The following ADGRL3 variants were observed in gnomAD, a reference collection of about 807,000 sequenced individuals.
ADGRL3 encodes the protein calcium-independent alpha-latrotoxin receptor 3.
ADGRL3 carries 62 observed loss-of-function variants against 153.5 expected under a neutral mutation model. The observed-to-expected ratio is 0.40, with a 90% CI of 0.33 to 0.50. ADGRL3 has a LOEUF of 0.50. Ranked by LOEUF, ADGRL3 falls within the 20% of genes least tolerant of loss-of-function variation. The pLI, the probability that ADGRL3 is intolerant of heterozygous loss-of-function variation, is 0.47. For synonymous variants in ADGRL3, 710 were observed against 672.5 expected (o/e 1.06, Z -0.86); for missense variants, 1,641 against 1,859.4 (o/e 0.88, Z 2.16).
intron 2 of ADGRL3, among the ~76,000 whole-genome samples, chr4:61,473,934 C>T (rs1035061556): frequency 1.3e-5 from 2 of 151,744 alleles, no homozygotes; most frequent in Non-Finnish European, 1.5e-5. Context: ...TGGATATACA[C>T]CTGTGGACAA....
chr4:61,457,560 A>G (rs1578974319), intron 2 of ADGRL3, among the ~76,000 whole-genome samples: 4 of 152,020 alleles, frequency 2.6e-5, no homozygotes, highest in Middle Eastern at 3.4e-3. Flanking sequence ...TAAATAATGA[A>G]AATTTAATCA....
chr4:61,290,330 ATAAAT>A (rs995773063), intron 1 of ADGRL3, among the ~76,000 whole-genome samples: 1 of 152,134 alleles, frequency 6.6e-6, no homozygotes, highest in African/African-American at 2.4e-5. Context: ...AGGTTGATTA[ATAAAT>A]TAAAATACTT....
chr4:62,050,213 G>A (rs1461894440), intron 25 of ADGRL3, among the ~76,000 whole-genome samples: 12 of 151,998 alleles, frequency 7.9e-5, no homozygotes, highest in Non-Finnish European at 5.9e-5. Flanking sequence ...GAAATTAAAT[G>A]CACATTGCAT....
In ADGRL3 at chr4:62,073,748, CAGA is replaced by C. The variant is rs1435607401; in HGVS notation, c.*2845_*2847del. 3.9e-5 allele frequency: 6 copies of C among 152,132 alleles called. No individual in the cohort carries two copies. The highest frequency in any genetic ancestry group is 3.9e-4 in the Admixed American group (6 of 15,270). The allele number at this position is 152,132 out of a possible 1,614,324, so 9.4% of individuals were successfully genotyped here. A position where few individuals can be genotyped will look rare whatever the true frequency, so the allele number is the denominator to read the frequency against. On this transcript the variant is annotated 3_prime_UTR_variant, in exon 27 of 27. Coordinates refer to ENST00000683033, the MANE Select transcript of ADGRL3 (RefSeq NM_001387552.1). ...GATCACTTGAATACACAAACTGGTGCAGAAGAACATTCAGCATATAAAGTTACT... is the reference window on the plus strand; with the variant it reads ...GATCACTTGAATACACAAACTGGTGCAGAACATTCAGCATATAAAGTTACT...
chr4:61,608,650 AT>A (rs2099042024), intron 5 of ADGRL3, among the ~76,000 whole-genome samples: 1 of 152,104 alleles, frequency 6.6e-6, no homozygotes. Flanking sequence ...AGGAAGTAAA[AT>A]TTTCGTCTGT....
intron 2 of ADGRL3, among the ~76,000 whole-genome samples, chr4:61,406,297 G>A (rs2096995137): frequency 6.6e-6 from 1 of 151,906 alleles, no homozygotes; most frequent in African/African-American, 2.4e-5. Flanking sequence ...TTTGGCTGTA[G>A]TGTAGTGTAA....
chr4:61,958,489 G>A (rs1247527393), intron 17 of ADGRL3, among the ~76,000 whole-genome samples: 1 of 151,830 alleles, frequency 6.6e-6, no homozygotes, highest in African/African-American at 2.4e-5. Flanking sequence ...CTGCTATAAA[G>A]AATAACTGAG....
At chr4:61,736,590 G>A (rs999102907) in intron 8 of ADGRL3, among the ~76,000 whole-genome samples, 7 of 152,140 alleles carry the variant, frequency 4.6e-5, no homozygotes, top group African/African-American at 1.4e-4. Context: ...CCTGGGAGGC[G>A]GAGGTTGCAG....
chr4:61,547,366 A>G (rs574979680), intron 4 of ADGRL3, among the ~76,000 whole-genome samples: 5 of 151,676 alleles, frequency 3.3e-5, no homozygotes, highest in African/African-American at 9.7e-5. Context: ...TTATTTTGTC[A>G]CCGGGTAATA....
intron 17 of ADGRL3, among the ~76,000 whole-genome samples, chr4:61,958,145 C>T (rs2098974423): frequency 6.6e-6 from 1 of 152,158 alleles, no homozygotes; most frequent in Admixed American, 6.6e-5. Context: ...TTTATCTTCT[C>T]TAGACTGTGA....
intron 6 of ADGRL3, among the ~76,000 whole-genome samples, chr4:61,683,592 T>G (rs1351583800): frequency 1.3e-5 from 2 of 152,034 alleles, no homozygotes. Context: ...AAGACACCAC[T>G]CAAAGGTGGG....
chr4:61,643,353 C>T (rs1332911998), intron 5 of ADGRL3, among the ~76,000 whole-genome samples: 1 of 151,836 alleles, frequency 6.6e-6, no homozygotes, highest in Non-Finnish European at 1.5e-5. Flanking sequence ...GAGAGGGCAT[C>T]CCTGTCTTGT....
chr4:62,031,774 A>G (rs1160904542), intron 23 of ADGRL3, among the ~76,000 whole-genome samples, 164 bp downstream of exon 23: 1 of 151,658 alleles, frequency 6.6e-6, no homozygotes, highest in Non-Finnish European at 1.5e-5. Context: ...ATACAAGCAT[A>G]ATAGTTGGTG....
At chr4:61,708,671 C>A (rs911741265) in intron 6 of ADGRL3, among the ~76,000 whole-genome samples, 8 of 151,740 alleles carry the variant, frequency 5.3e-5, no homozygotes, top group African/African-American at 1.9e-4. Flanking sequence ...TGTAAGAATA[C>A]AAAAACAATA....
chr4:61,295,582 TTTAG>T (rs1263479111), intron 1 of ADGRL3, among the ~76,000 whole-genome samples: 1 of 152,048 alleles, frequency 6.6e-6, no homozygotes, highest in African/African-American at 2.4e-5. Flanking sequence ...ATTGTTATGA[TTTAG>T]TTAAATATAT....
chr4:61,565,829 C>CA lies in ADGRL3; in HGVS notation c.260-21397dup, dbSNP rs1443703607. On this transcript the variant is annotated intron_variant, in intron 4 of 26. Coordinates refer to ENST00000683033, the MANE Select transcript of ADGRL3 (RefSeq NM_001387552.1). ...CTGGGATTACAGGCATGAGCCACCA[C>CA]ACCCAGTCGGATTTAGGCATCTATT... 1.4e-4 allele frequency among the ~76,000 whole-genome samples: 21 copies of CA among 152,248 alleles called. No individual in the cohort carries two copies. In the East Asian group the frequency reaches 3.7e-3, roughly 27 times the overall value.
chr4:61,630,053 A>G (rs760674885), intron 5 of ADGRL3, among the ~76,000 whole-genome samples: 2 of 152,128 alleles, frequency 1.3e-5, no homozygotes, highest in Non-Finnish European at 2.9e-5. Flanking sequence ...TTTTGCATGC[A>G]CACTTTCTTT....
Position 61,727,504 on chromosome 4 carries a change from C to A in ADGRL3, c.584-3118C>A, listed in dbSNP as rs556246503. Among the ~76,000 whole-genome samples, 86 of 152,158 alleles carry A rather than the reference C, an allele frequency of 5.7e-4. No homozygotes were observed. The East Asian group carries it at 5.8e-3, about 10-fold the overall frequency. Reference sequence around the variant, plus strand: ...TGGACTAGACTAAAAAACAAGAGATCCTGAAAAAGGCCCTTGCACAGTTGT... The same window carrying A: ...TGGACTAGACTAAAAAACAAGAGATACTGAAAAAGGCCCTTGCACAGTTGT... On this transcript the variant is annotated intron_variant, in intron 6 of 26. Coordinates refer to ENST00000683033, the MANE Select transcript of ADGRL3 (RefSeq NM_001387552.1).
chr4:61,549,316 T>C (rs1315669354), intron 4 of ADGRL3, among the ~76,000 whole-genome samples: 1 of 152,108 alleles, frequency 6.6e-6, no homozygotes, highest in Admixed American at 6.6e-5. Context: ...TATTTCTTTT[T>C]CTTGCCTGAT....
Sources: gnomAD v4.1 joint callset for allele counts (sites outside exome capture counted in the v4.1 genomes callset) on GRCh38, gnomAD v4.1.1 for gene constraint, MANE v1.5 for transcripts, NCBI Gene and HGNC (gene_info 2026-07-23, HGNC 2026-07-21) for gene names.